The following KCNQ1 variants were observed in gnomAD, a reference collection of about 807,000 sequenced individuals.
KCNQ1 encodes the protein potassium voltage-gated channel subfamily Q member 1, also known as potassium voltage-gated channel subfamily KQT member 1.
Under a neutral mutation model 72.4 loss-of-function variants are expected in KCNQ1, and 49 were observed. The ratio of observed to expected loss-of-function variants is 0.68; its 90% CI spans 0.54 to 0.86. KCNQ1 has a LOEUF of 0.86. Ranked by LOEUF, KCNQ1 falls within the 40% of genes least tolerant of loss-of-function variation. The pLI, the probability that KCNQ1 is intolerant of heterozygous loss-of-function variation, is 0.00. For synonymous variants in KCNQ1, 450 were observed against 412.6 expected (o/e 1.09, Z -1.10); for missense variants, 790 against 945.1 (o/e 0.84, Z 2.15).
At chr11:2,689,402 G>A in intron 11 of KCNQ1, 1 of 398,724 alleles carries the variant, frequency 2.5e-6, no homozygotes, top group Middle Eastern at 6.3e-4. Context: ...GCCCACTCTT[G>A]GGAAATGGGG....
chr11:2,766,865 C>G lies in KCNQ1; in HGVS notation c.1515-1979C>G, dbSNP rs1846507435. ...ACCTATTGTTGCGTAGCAAACTAGA[C>G]CTAAATTTAGTGGCTTCAAATATTT... On this transcript the variant is annotated intron_variant, in intron 11 of 15. Coordinates refer to ENST00000155840, the MANE Select transcript of KCNQ1 (RefSeq NM_000218.3). The surrounding 1 kb of genome is among the most constrained non-coding windows in gnomAD (Gnocchi z 4.4). 6.6e-6 allele frequency among the ~76,000 whole-genome samples: 1 copy of G among 152,170 alleles called. No individual in the cohort carries two copies. The highest frequency in any genetic ancestry group is 6.5e-5 in the Admixed American group (1 of 15,280).
At chr11:2,518,415 T>C (rs1403994054) in intron 1 of KCNQ1, among the ~76,000 whole-genome samples, 1 of 151,612 alleles carries the variant, frequency 6.6e-6, no homozygotes, top group Admixed American at 6.6e-5. Flanking sequence ...TGGGCTGCAG[T>C]TGGGGTGCAG....
chr11:2,456,763 TCCAA>T (rs1479407487), intron 1 of KCNQ1, among the ~76,000 whole-genome samples: 2 of 54,654 alleles, frequency 3.7e-5, no homozygotes, highest in African/African-American at 5.7e-5. Context: ...CTACTAAAAA[TCCAA>T]AAAAAAAAAA....
intron 11 of KCNQ1, among the ~76,000 whole-genome samples, chr11:2,737,215 G>A (rs1177169168): frequency 1.3e-5 from 2 of 152,200 alleles, no homozygotes; most frequent in Non-Finnish European, 2.9e-5. Flanking sequence ...GCTGGATCCC[G>A]AGAGCATCTG....
At chr11:2,580,590 C>T (rs1011277254) in intron 6 of KCNQ1, among the ~76,000 whole-genome samples, 1 of 152,210 alleles carries the variant, frequency 6.6e-6, no homozygotes, top group Non-Finnish European at 1.5e-5. Context: ...TGGGTGGGAG[C>T]AGGAGTGCCT....
At chr11:2,591,255 G>A (rs1293457406) in intron 10 of KCNQ1, among the ~76,000 whole-genome samples, 1 of 152,238 alleles carries the variant, frequency 6.6e-6, no homozygotes, top group East Asian at 1.9e-4. Context: ...GCAGGAGGCT[G>A]GGTGGTGTTC....
In KCNQ1 at chr11:2,626,316, A is replaced by G. The variant is rs1849261695; in HGVS notation, c.1394-35645A>G. ...CATTCTCTTGAGTTAATTTTTGTGTATGGTATTAGGTAAGGGTCTCAACTT... is the reference window on the plus strand; with the variant it reads ...CATTCTCTTGAGTTAATTTTTGTGTGTGGTATTAGGTAAGGGTCTCAACTT... On this transcript the variant is annotated intron_variant, in intron 10 of 15. Transcript: ENST00000155840. The surrounding 1 kb of genome is among the most constrained non-coding windows in gnomAD (Gnocchi z 4.0). 2.5e-6 allele frequency: 1 copy of G among 398,352 alleles called. No individual in the cohort carries two copies. Among genetic ancestry groups the G allele is most frequent in the Non-Finnish European group, 4.4e-6 (1 of 226,060 alleles). 24.7% of individuals were successfully genotyped at this position (398,352 alleles called of 1,614,324 possible).
Position 2,562,119 on chromosome 11 carries a change from A to G in KCNQ1, c.478-8509A>G, listed in dbSNP as rs1449527568. Among the ~76,000 whole-genome samples the G allele has an allele frequency of 2.8e-5, 4 of 144,186 alleles. No homozygotes were observed. The highest frequency in any genetic ancestry group is 6.0e-5 in the Non-Finnish European group (4 of 66,260). The allele number at this position is 144,186 out of a possible 152,430, so 94.6% of individuals were successfully genotyped here. ...GACTGTGCCACCCTCAGCCCAGTGG[A>G]TGGTGCATCTCACCTGGGCCTGGCC... is the stretch of plus-strand genomic sequence containing the variant. On this transcript the variant is annotated intron_variant, in intron 2 of 15. Transcript: ENST00000155840. This position sits in a 1 kb window ranked among gnomAD's most constrained non-coding sequence, Gnocchi z 7.5.
At position 2,828,611 on chromosome 11, in the gene KCNQ1, GCTA is replaced by G. The variant is rs1475326570; in HGVS notation, c.1795-19153_1795-19151del. Among the ~76,000 whole-genome samples, 4 of 152,154 alleles carry G rather than the reference GCTA, an allele frequency of 2.6e-5. No homozygotes were observed. Among genetic ancestry groups the G allele is most frequent in the Admixed American group, 2.0e-4 (3 of 15,280 alleles). ...CTCACCCCAGCCCATGAAGCCAGAT[GCTA>G]CTGATTCTCAAGCTCAGCTAGAGAC... On this transcript the variant is annotated intron_variant, in intron 15 of 15. Coordinates refer to ENST00000155840, the MANE Select transcript of KCNQ1 (RefSeq NM_000218.3). The surrounding 1 kb of genome is among the most constrained non-coding windows in gnomAD (Gnocchi z 5.3).
chr11:2,480,500 T>TA (rs1402199185), intron 1 of KCNQ1, among the ~76,000 whole-genome samples: 1 of 152,228 alleles, frequency 6.6e-6, no homozygotes, highest in Non-Finnish European at 1.5e-5. Context: ...TCATGAGACT[T>TA]AATTCACTAC....
At chr11:2,736,003 A>G (rs1845949736) in intron 11 of KCNQ1, among the ~76,000 whole-genome samples, 2 of 152,158 alleles carry the variant, frequency 1.3e-5, no homozygotes, top group African/African-American at 4.8e-5. Context: ...TTCCCTGTGT[A>G]CAAAGGGACA....
At position 2,477,453 on chromosome 11, in the gene KCNQ1, G is replaced by A. The variant is rs77301299; in HGVS notation, c.386+31969G>A. Among the ~76,000 whole-genome samples the A allele has an allele frequency of 7.3e-3, 1,110 of 152,236 alleles. 26 individuals carry two copies. The highest frequency in any genetic ancestry group is 0.054 in the East Asian group (277 of 5,172). ...AGCCAGTCATGTTAGTGGCTCAATG[G>A]GCAGGGTGCCCAGGTTAGCTGTGAA... On this transcript the variant is annotated intron_variant, in intron 1 of 15. Transcript: ENST00000155840. The surrounding 1 kb of genome is among the most constrained non-coding windows in gnomAD (Gnocchi z 5.0).
chr11:2,482,477 G>T lies in KCNQ1; in HGVS notation c.386+36993G>T, dbSNP rs1432438451. 6.6e-6 allele frequency among the ~76,000 whole-genome samples: 1 copy of T among 151,944 alleles called. No homozygotes were observed. The highest frequency in any genetic ancestry group is 1.9e-4 in the East Asian group (1 of 5,184). ...TGCAAATCCTTGTACACTCATTTTT[G>T]CCTGGAACTCAAGATTATTTCCTTG... On this transcript the variant is annotated intron_variant, in intron 1 of 15. Transcript: ENST00000155840. This position sits in a 1 kb window ranked among gnomAD's most constrained non-coding sequence, Gnocchi z 5.7.
Position 2,711,369 on chromosome 11 carries a change from C to T in KCNQ1, c.1514+49288C>T, listed in dbSNP as rs1851002156. 6.6e-6 allele frequency among the ~76,000 whole-genome samples: 1 copy of T among 152,210 alleles called. No homozygotes were observed. The highest frequency in any genetic ancestry group is 6.5e-5 in the Admixed American group (1 of 15,282). On this transcript the variant is annotated intron_variant, in intron 11 of 15. Coordinates refer to ENST00000155840, the MANE Select transcript of KCNQ1 (RefSeq NM_000218.3). The surrounding 1 kb of genome is among the most constrained non-coding windows in gnomAD (Gnocchi z 5.4). ...CTTCTTTGTGGTCTCCTGTCTTGCG[C>T]ACTAATTGTTGCCCAAGTCTTTGCA...
intron 15 of KCNQ1, among the ~76,000 whole-genome samples, chr11:2,807,475 G>C (rs1044181687): frequency 6.6e-6 from 1 of 152,186 alleles, no homozygotes; most frequent in Non-Finnish European, 1.5e-5. Context: ...CGGGGCCAGC[G>C]CGATGTCATG....
At chr11:2,638,471 ATTCTT>A (rs1849515830) in intron 10 of KCNQ1, 1 of 152,168 alleles carries the variant, frequency 6.6e-6, no homozygotes, top group African/African-American at 2.4e-5. Flanking sequence ...TGGGTTGAAA[ATTCTT>A]TTCTTTAAGA....
rs189157939 is a variant in KCNQ1, at chr11:2,627,465, C to G, written c.1394-34496C>G. 1 of 398,376 alleles carries G rather than the reference C, an allele frequency of 2.5e-6. No homozygotes were observed. The highest frequency in any genetic ancestry group is 4.4e-6 in the Non-Finnish European group (1 of 226,046). 24.7% of individuals were successfully genotyped at this position (398,376 alleles called of 1,614,324 possible). On this transcript the variant is annotated intron_variant, in intron 10 of 15. Coordinates refer to ENST00000155840, the MANE Select transcript of KCNQ1 (RefSeq NM_000218.3). The surrounding 1 kb of genome is among the most constrained non-coding windows in gnomAD (Gnocchi z 4.9). ...TCAACATTTCCTATTTCCCCTACTC[C>G]CTGACCCCTAGTAACCACCCTTCTA...
At chr11:2,511,667 A>C (rs1199188277) in intron 1 of KCNQ1, among the ~76,000 whole-genome samples, 7 of 152,186 alleles carry the variant, frequency 4.6e-5, no homozygotes, top group African/African-American at 1.7e-4. Flanking sequence ...TGAATAATTC[A>C]ATGCCCCATG....
chr11:2,730,064 G>A (rs1845827230), intron 11 of KCNQ1, among the ~76,000 whole-genome samples: 1 of 152,120 alleles, frequency 6.6e-6, no homozygotes, highest in South Asian at 2.1e-4. Context: ...GACACGTGAA[G>A]CCCTGGCTGG....
Sources: allele counts gnomAD v4.1 joint callset (sites outside exome capture counted in the v4.1 genomes callset), GRCh38; gene constraint gnomAD v4.1.1; non-coding constraint Gnocchi (gnomAD v3.1); transcripts MANE v1.5; gene names NCBI Gene and HGNC (gene_info 2026-07-23, HGNC 2026-07-21).